Variants in PTPRD observed in about 807,000 individuals in gnomAD.
The protein encoded by PTPRD is protein tyrosine phosphatase receptor type D.
Under a neutral mutation model 214.5 loss-of-function variants are expected in PTPRD, and 34 were observed. That is an observed-to-expected ratio of 0.16 (90% CI 0.12 to 0.21). PTPRD has a LOEUF of 0.21. Among genes scored for constraint, PTPRD ranks in the 10% least tolerant of loss-of-function variants. The pLI is 1.00. For synonymous variants in PTPRD, 1,128 were observed against 845.7 expected, an observed-to-expected ratio of 1.33 and a Z score of -5.79; for missense variants, 2,545 against 2,398.7, an observed-to-expected ratio of 1.06 and a Z score of -1.27.
chr9:8,974,127 C>A (rs1035246389), intron 11 of PTPRD, among the ~76,000 whole-genome samples: 1 of 151,846 alleles, frequency 6.6e-6, no homozygotes, highest in Non-Finnish European at 1.5e-5. Flanking sequence ...TTGCCAAGGT[C>A]GATGTTGAGA....
At chr9:10,104,950 C>A (rs2098608758) in intron 3 of PTPRD, among the ~76,000 whole-genome samples, 1 of 151,788 alleles carries the variant, frequency 6.6e-6, no homozygotes, top group Admixed American at 6.6e-5. Context: ...TTTTCAATGT[C>A]TTTGCACATG....
intron 39 of PTPRD, among the ~76,000 whole-genome samples, chr9:8,368,676 C>CTTTT (rs199556434): frequency 1.4e-4 from 17 of 117,298 alleles, no homozygotes; most frequent in African/African-American, 4.9e-4. Context: ...CCTTTTAATG[C>CTTTT]TTTTTTTTTT....
At chr9:10,348,295 T>C (rs2097124673) in intron 2 of PTPRD, among the ~76,000 whole-genome samples, 1 of 152,180 alleles carries the variant, frequency 6.6e-6, no homozygotes. Context: ...ATGCCAATGA[T>C]CTACTTTCTC....
At chr9:8,469,363 C>T (rs908864719) in intron 31 of PTPRD, among the ~76,000 whole-genome samples, 1 of 152,028 alleles carries the variant, frequency 6.6e-6, no homozygotes, top group Admixed American at 6.6e-5. Context: ...GTCATTCTGG[C>T]TTGGATCTCA....
chr9:9,967,244 G>C (rs902947540), intron 4 of PTPRD, among the ~76,000 whole-genome samples: 1 of 152,160 alleles, frequency 6.6e-6, no homozygotes, highest in Admixed American at 6.5e-5. Flanking sequence ...CCTCAGAGTT[G>C]TGAGAATTAC....
At chr9:8,430,351 A>C (rs10815871) in intron 35 of PTPRD, among the ~76,000 whole-genome samples, 67,330 of 151,264 alleles carry the variant, frequency 0.45, 15,554 homozygotes, top group East Asian at 0.62. Context: ...CTCACTGCAG[A>C]CTCAACCCCT....
At chr9:8,556,280 G>A (rs1424827372) in intron 14 of PTPRD, among the ~76,000 whole-genome samples, 1 of 152,132 alleles carries the variant, frequency 6.6e-6, no homozygotes, top group Non-Finnish European at 1.5e-5. Context: ...TAACTAATTT[G>A]GGTCATGTTT....
chr9:8,795,071 C>A (rs1368540429), intron 11 of PTPRD, among the ~76,000 whole-genome samples: 1 of 152,124 alleles, frequency 6.6e-6, no homozygotes, highest in African/African-American at 2.4e-5. Flanking sequence ...TTCAAATCTT[C>A]CGCATTCATT....
At chr9:10,290,196 G>A (rs934671066) in intron 3 of PTPRD, among the ~76,000 whole-genome samples, 6 of 152,044 alleles carry the variant, frequency 3.9e-5, no homozygotes, top group African/African-American at 1.2e-4. Context: ...CATATCAGAA[G>A]GTACCCAAAA....
chr9:9,876,001 G>A (rs1473245360), intron 5 of PTPRD, among the ~76,000 whole-genome samples: 1 of 152,044 alleles, frequency 6.6e-6, no homozygotes, highest in Non-Finnish European at 1.5e-5. Flanking sequence ...TGCCTGGTGA[G>A]TTTGCAGGTG....
rs1272580913 is a variant in PTPRD at position 8,982,068 on chromosome 9, A to G, written c.-104+36629T>C. Among the ~76,000 whole-genome samples the G allele has an allele frequency of 2.0e-5, 3 of 152,048 alleles. No homozygotes were observed. In the East Asian group the frequency reaches 5.8e-4, roughly 29 times the overall value. On this transcript the variant is annotated intron_variant, in intron 11 of 45. Transcript: ENST00000381196. The stretch of plus-strand genomic sequence containing the variant: ...AGGGACAAAAGTAAGAAAAAGGTCA[A>G]GAAGTGAATGGCAGTGAAAATAGAG...
At chr9:10,352,533 G>T (rs577504957) in intron 2 of PTPRD, among the ~76,000 whole-genome samples, 1 of 152,102 alleles carries the variant, frequency 6.6e-6, no homozygotes, top group African/African-American at 2.4e-5. Flanking sequence ...ACACACAATT[G>T]TCTTACATGT....
At chr9:9,433,096 G>A (rs981666301) in intron 8 of PTPRD, among the ~76,000 whole-genome samples, 1 of 152,130 alleles carries the variant, frequency 6.6e-6, no homozygotes, top group Admixed American at 6.6e-5. Context: ...TAGATAAGGG[G>A]CATCCAGAGA....
At chr9:8,328,383 C>G (rs538359597) in intron 44 of PTPRD, among the ~76,000 whole-genome samples, 1 of 152,142 alleles carries the variant, frequency 6.6e-6, no homozygotes, top group African/African-American at 2.4e-5. Context: ...TGTCGAGAGA[C>G]CTGCTGTTAG....
intron 9 of PTPRD, among the ~76,000 whole-genome samples, chr9:9,395,759 G>C (rs1329812436): frequency 1.3e-5 from 2 of 151,976 alleles, no homozygotes; most frequent in Non-Finnish European, 2.9e-5. Context: ...AACGTCAGTA[G>C]GAATGTGGTA....
chr9:9,686,706 T>C (rs1330284261), intron 7 of PTPRD, among the ~76,000 whole-genome samples: 1 of 151,780 alleles, frequency 6.6e-6, no homozygotes, highest in Non-Finnish European at 1.5e-5. Flanking sequence ...AATGAATATT[T>C]ACAAGTTATA....
intron 12 of PTPRD, among the ~76,000 whole-genome samples, chr9:8,661,505 A>G (rs2097052366): frequency 6.6e-6 from 1 of 152,164 alleles, no homozygotes; most frequent in Non-Finnish European, 1.5e-5. Context: ...GTGTTAGAAT[A>G]TAAAATGTTT....
chr9:8,961,660 G>C (rs1304524939), intron 11 of PTPRD, among the ~76,000 whole-genome samples: 1 of 152,102 alleles, frequency 6.6e-6, no homozygotes, highest in Non-Finnish European at 1.5e-5. Context: ...TGAACAGAAG[G>C]TTTTAGTTTC....
chr9:9,716,068 T>A (rs1370715178), intron 7 of PTPRD, among the ~76,000 whole-genome samples: 3 of 151,740 alleles, frequency 2.0e-5, no homozygotes. Context: ...GTGATCTCAT[T>A]GTTCAGTTCC....
Sources: gnomAD v4.1 joint callset for allele counts (sites outside exome capture counted in the v4.1 genomes callset) on GRCh38, gnomAD v4.1.1 for gene constraint, MANE v1.5 for transcripts, NCBI Gene and HGNC (gene_info 2026-07-23, HGNC 2026-07-21) for gene names.